Variants in FEZ1 observed in about 807,000 individuals in gnomAD.
FEZ1 encodes fasciculation and elongation protein zeta-1.
Under a neutral mutation model 49.3 loss-of-function variants are expected in FEZ1, and 20 were observed. The observed-to-expected ratio is 0.41, with a 90% CI of 0.29 to 0.59. The LOEUF is 0.59. Among genes scored for constraint, FEZ1 ranks in the 20% least tolerant of loss-of-function variants. The pLI is 0.36. For missense variants in FEZ1, 413 were observed against 476.0 expected, an observed-to-expected ratio of 0.87 and a Z score of 1.23; for synonymous variants, 170 against 180.9, an observed-to-expected ratio of 0.94 and a Z score of 0.48.
At chr11:125,451,351 G>C (rs1455307642) in intron 8 of FEZ1, 1 of 152,200 alleles carries the variant, frequency 6.6e-6, no homozygotes, top group Non-Finnish European at 1.5e-5. Flanking sequence ...CAGGATTTCT[G>C]TTTGCCAGAA....
At position 125,489,403 on chromosome 11, in the gene FEZ1, G is replaced by C. The variant is rs1048618097; in HGVS notation, c.311+64C>G. On this transcript the variant is annotated intron_variant, in intron 2 of 9. Coordinates refer to ENST00000278919, the MANE Select transcript of FEZ1 (RefSeq NM_005103.5). This position sits in a 1 kb window ranked among gnomAD's most constrained non-coding sequence, Gnocchi z 4.2. ...ACCTATAGACAGAAACCAGCACTAT[G>C]TCAAGGAGACAAGGACTACAGGGCT... The C allele has an allele frequency of 5.2e-6, 8 of 1,534,210 alleles. No homozygotes were observed. Among genetic ancestry groups the C allele is most frequent in the Admixed American group, 4.3e-5 (2 of 46,284 alleles).
At chr11:125,481,753 C>A (rs1957281291) in intron 2 of FEZ1, 120 bp from the exon 3 acceptor site, 2 of 752,610 alleles carry the variant, frequency 2.7e-6, no homozygotes, top group African/African-American at 1.7e-5. Flanking sequence ...AGATCATCTG[C>A]CTTCCAGCAT....
At chr11:125,449,444 G>GAAA (rs1956932519) in intron 8 of FEZ1, among the ~76,000 whole-genome samples, 5 of 53,744 alleles carry the variant, frequency 9.3e-5, no homozygotes, top group Non-Finnish European at 1.5e-4. Context: ...AAAAAAAAAA[G>GAAA]AAGAAGAGGA....
chr11:125,457,611 A>AATTG (rs1386444209), intron 5 of FEZ1, among the ~76,000 whole-genome samples: 1 of 145,030 alleles, frequency 6.9e-6, no homozygotes, highest in African/African-American at 2.5e-5. Context: ...AGGAAGAATT[A>AATTG]ATTGATTGAC....
At chr11:125,471,123 A>T (rs1445406471) in intron 3 of FEZ1, among the ~76,000 whole-genome samples, 1 of 152,194 alleles carries the variant, frequency 6.6e-6, no homozygotes, top group African/African-American at 2.4e-5. Flanking sequence ...AGAAGACATA[A>T]GATGCAAAGC....
In FEZ1 at chr11:125,481,352, G is replaced by A. The variant is rs563425663; in HGVS notation, c.411+182C>T. Reference sequence around the variant, plus strand: ...TTGGTAGAAATGGGGGTTTCACCACGTGGCCCAGGCTGGTCTTAAATTACT... The same window carrying A: ...TTGGTAGAAATGGGGGTTTCACCACATGGCCCAGGCTGGTCTTAAATTACT... On this transcript the variant is annotated intron_variant, in intron 3 of 9. Coordinates refer to ENST00000278919, the MANE Select transcript of FEZ1 (RefSeq NM_005103.5). Among the ~76,000 whole-genome samples the A allele has an allele frequency of 1.8e-4, 28 of 152,176 alleles. 1 individual carries two copies. In the South Asian group the frequency reaches 5.2e-3, roughly 28 times the overall value.
chr11:125,493,496 AAGAAAGAAAGAG>A (rs200510816), intron 1 of FEZ1, among the ~76,000 whole-genome samples: 1,716 of 110,374 alleles, frequency 0.016, 123 homozygotes, highest in Middle Eastern at 0.026. Flanking sequence ...GAAGGAAAGA[AAGAAAGAAAGAG>A]AGAAAGAAAG....
rs1054309209 is a variant in FEZ1, at chr11:125,493,617, G to T, written c.-46+2504C>A. ...CCTGCCATGATATTCTCTGTGCAAT[G>T]CTTCAATATGCTTATCAAACAAGAG... On this transcript the variant is annotated intron_variant, in intron 1 of 9. Transcript: ENST00000278919. 2.0e-5 allele frequency among the ~76,000 whole-genome samples: 3 copies of T among 152,322 alleles called. No individual in the cohort carries two copies. In the South Asian group the frequency reaches 6.2e-4, roughly 32 times the overall value.
intron 1 of FEZ1, among the ~76,000 whole-genome samples, chr11:125,491,538 C>T (rs1298482098): frequency 6.6e-6 from 1 of 152,180 alleles, no homozygotes; most frequent in Non-Finnish European, 1.5e-5. Context: ...ACACGCTCAA[C>T]AGAAAGGCTA....
intron 4 of FEZ1, among the ~76,000 whole-genome samples, chr11:125,461,662 A>G (rs1311150241): frequency 6.6e-6 from 1 of 152,246 alleles, no homozygotes; most frequent in East Asian, 1.9e-4. Context: ...ATTTACAAAT[A>G]AAGAAGACTG....
At chr11:125,474,453 C>A (rs1253770782) in intron 3 of FEZ1, among the ~76,000 whole-genome samples, 4 of 152,062 alleles carry the variant, frequency 2.6e-5, no homozygotes, top group Admixed American at 1.3e-4. Flanking sequence ...CAAGCTTGAG[C>A]CACCACACTC....
intron 4 of FEZ1, among the ~76,000 whole-genome samples, chr11:125,461,801 C>A (rs1957078087): frequency 6.6e-6 from 1 of 152,264 alleles, no homozygotes. Context: ...TGGGCTGGAC[C>A]AAAGGTAAGG....
intron 8 of FEZ1, among the ~76,000 whole-genome samples, chr11:125,448,913 C>A (rs1178671381): frequency 6.6e-6 from 1 of 152,066 alleles, no homozygotes; most frequent in Non-Finnish European, 1.5e-5. Flanking sequence ...TGGCACACGC[C>A]TGTAGTCCAA....
intron 6 of FEZ1, among the ~76,000 whole-genome samples, chr11:125,454,599 G>A (rs1956989595): frequency 6.6e-6 from 1 of 152,194 alleles, no homozygotes; most frequent in Non-Finnish European, 1.5e-5. Context: ...CAACTGTCCT[G>A]ATGGGGGAAG....
chr11:125,494,688 T>C (rs1957439740), intron 1 of FEZ1, among the ~76,000 whole-genome samples: 1 of 152,076 alleles, frequency 6.6e-6, no homozygotes, highest in African/African-American at 2.4e-5. Context: ...CAATAGATGG[T>C]GTAATTTGGA....
intron 2 of FEZ1, among the ~76,000 whole-genome samples, chr11:125,485,630 T>C (rs1957319814): frequency 6.6e-6 from 1 of 152,146 alleles, no homozygotes; most frequent in African/African-American, 2.4e-5. Context: ...CTTTGCACTT[T>C]ATGTTTAGAA....
chr11:125,482,658 A>G (rs547422698), intron 2 of FEZ1, among the ~76,000 whole-genome samples: 3 of 152,156 alleles, frequency 2.0e-5, no homozygotes, highest in Non-Finnish European at 4.4e-5. Context: ...ATGGAAGCCA[A>G]TGGCACCTGA....
intron 2 of FEZ1, among the ~76,000 whole-genome samples, chr11:125,486,149 T>A (rs775514108): frequency 2.6e-5 from 4 of 152,242 alleles, no homozygotes; most frequent in South Asian, 2.1e-4. Flanking sequence ...ACATGTAGTA[T>A]ATCTGATGAC....
intron 8 of FEZ1, among the ~76,000 whole-genome samples, chr11:125,449,935 G>C (rs973064669): frequency 3.9e-5 from 6 of 152,142 alleles, no homozygotes; most frequent in Non-Finnish European, 5.9e-5. Context: ...AGGCCATTGA[G>C]GGGTTGGTTT....
Sources: gnomAD v4.1 joint callset for allele counts (sites outside exome capture counted in the v4.1 genomes callset) on GRCh38, gnomAD v4.1.1 for gene constraint, Gnocchi (gnomAD v3.1) non-coding constraint, MANE v1.5 for transcripts, NCBI Gene and HGNC (gene_info 2026-07-23, HGNC 2026-07-21) for gene names.